Variants in RSRP1 observed in about 807,000 individuals in gnomAD.
RSRP1 encodes the protein arginine/serine-rich protein 1.
A neutral mutation model predicts 33.0 loss-of-function variants in RSRP1; 37 were observed. That is an observed-to-expected ratio of 1.12 (90% CI 0.86 to 1.48). RSRP1 has a LOEUF of 1.48. Among genes scored for constraint, RSRP1 ranks in the 40% most tolerant of loss-of-function variants. The probability of loss-of-function intolerance (pLI) is 0.00; values close to 1 mark genes in which losing one functional copy is unlikely to be tolerated. For missense variants in RSRP1, 402 were observed against 385.3 expected (o/e 1.04, Z -0.36); for synonymous variants, 167 against 158.7 (o/e 1.05, Z -0.40).
Position 25,288,116 on chromosome 1 carries a change from C to T in RSRP1, c.-66-41087G>A, listed in dbSNP as rs201945944. Among the ~76,000 whole-genome samples the T allele has an allele frequency of 3.0e-5, 4 of 132,730 alleles. No homozygotes were observed. The East Asian group carries it at 7.8e-4, about 26-fold the overall frequency. 87.1% of individuals were successfully genotyped at this position (132,730 alleles called of 152,430 possible). A position where few individuals can be genotyped will look rare whatever the true frequency, so the allele number is the denominator to read the frequency against. ...CACTCAGCCTCAACCTCACTGGGTTCAGGTGATCCTCCTGCCTCAGCCTCC... is the reference window on the plus strand; with the variant it reads ...CACTCAGCCTCAACCTCACTGGGTTTAGGTGATCCTCCTGCCTCAGCCTCC... On this transcript the variant is annotated intron_variant, in intron 1 of 1. Transcript: ENST00000561867.
Position 25,242,661 on chromosome 1 carries a change from T to G in RSRP1, c.801A>C (p.Thr267=), listed in dbSNP as rs1390224751. Residue 267 remains threonine (T), a synonymous_variant, in exon 5 of 5, where the codon ACA becomes ACC. Coordinates refer to ENST00000243189, the MANE Select transcript of RSRP1 (RefSeq NM_020317.5). The part of the protein sequence containing the change: ...KPIQKSAKAA[T]EEASSRSPKI... ...TTGGTGATCTTGAAGATGCCTCTTC[T>G]GTGGCAGCTTTAGCTGATTTTTGTA... The G allele has an allele frequency of 6.2e-7, 1 of 1,611,890 alleles. No homozygotes were observed. Among genetic ancestry groups the G allele is most frequent in the East Asian group, 2.2e-5 (1 of 44,878 alleles).
At chr1:25,261,839 G>A (rs1571543103) in intron 1 of RSRP1, among the ~76,000 whole-genome samples, 1 of 148,682 alleles carries the variant, frequency 6.7e-6, no homozygotes, top group East Asian at 2.0e-4. Context: ...TGCCTCCCGT[G>A]TAGCTGGGAT....
chr1:25,283,387 C>T lies in RSRP1; in HGVS notation c.-66-36358G>A, dbSNP rs1357861299. ...CTCTATTAAAAATACAAAAATTAGC[C>T]GGGCACGGTGGCAGGCACCTGTAAT... On this transcript the variant is annotated intron_variant, in intron 1 of 1. Transcript: ENST00000561867. 1.9e-4 allele frequency among the ~76,000 whole-genome samples: 25 copies of T among 130,874 alleles called. 6 individuals are homozygous for T. Among genetic ancestry groups the T allele is most frequent in the Non-Finnish European group, 3.8e-4 (21 of 55,410 alleles). The allele number at this position is 130,874 out of a possible 152,430, so 85.9% of individuals were successfully genotyped here.
chr1:25,311,822 C>A lies in RSRP1; in HGVS notation c.-67+26156G>T, dbSNP rs544702982. Among the ~76,000 whole-genome samples, 130 of 131,356 alleles carry A rather than the reference C, an allele frequency of 9.9e-4. 24 individuals are homozygous for A. The highest frequency in any genetic ancestry group is 3.5e-3 in the African/African-American group (130 of 37,658). 86.2% of individuals were successfully genotyped at this position (131,356 alleles called of 152,430 possible). The stretch of plus-strand genomic sequence containing the variant: ...AGGTAAAAGTCATAAACCTTGGCAG[C>A]ATACACATGGCACTAATTTTGCAGG... On this transcript the variant is annotated intron_variant, in intron 1 of 1. Coordinates refer to the RSRP1 transcript ENST00000561867.
At chr1:25,330,294 TA>T (rs1240404089) in intron 1 of RSRP1, 1 of 133,260 alleles carries the variant, frequency 7.5e-6, no homozygotes, top group African/African-American at 2.6e-5. Flanking sequence ...AAGAAACACA[TA>T]AACACCATTT....
rs192742588 is a variant in RSRP1, at chr1:25,277,054, G to A, written c.-66-30025C>T. ...TGCACTCCAGCCTGGGCAACAGAGCGAGACTCCGTCTAAAAAAAAATGAAA... is the reference window on the plus strand; with the variant it reads ...TGCACTCCAGCCTGGGCAACAGAGCAAGACTCCGTCTAAAAAAAAATGAAA... On this transcript the variant is annotated intron_variant, in intron 1 of 1. Coordinates refer to the RSRP1 transcript ENST00000561867. Among the ~76,000 whole-genome samples the A allele has an allele frequency of 4.5e-5, 6 of 132,010 alleles. 2 individuals are homozygous for A. The highest frequency in any genetic ancestry group is 4.6e-4 in the South Asian group (2 of 4,326). 86.6% of individuals were successfully genotyped at this position (132,010 alleles called of 152,430 possible). A position where few individuals can be genotyped will look rare whatever the true frequency, so the allele number is the denominator to read the frequency against.
At chr1:25,274,012 C>T (rs575818033) in intron 1 of RSRP1, among the ~76,000 whole-genome samples, 1 of 132,646 alleles carries the variant, frequency 7.5e-6, no homozygotes, top group African/African-American at 2.6e-5. Flanking sequence ...CTTCAATTTA[C>T]TCTAATTCAT....
In RSRP1 at chr1:25,303,458, C is replaced by T. The variant is rs200137267; in HGVS notation, c.-67+34520G>A. 1.2e-4 allele frequency: 165 copies of T among 1,378,716 alleles called. 45 individuals carry two copies. The highest frequency in any genetic ancestry group is 5.5e-4 in the Middle Eastern group (3 of 5,492). The allele number at this position is 1,378,716 out of a possible 1,614,324, so 85.4% of individuals were successfully genotyped here. ...TCCGTCGGGGGAGCCAAGTACCTGC[C>T]GGTAAGAAACTAGACAACTAACCTC... On this transcript the variant is annotated intron_variant, in intron 1 of 1. Coordinates refer to the RSRP1 transcript ENST00000561867.
At chr1:25,295,850 ATTTTT>A (rs61131306) in intron 1 of RSRP1, among the ~76,000 whole-genome samples, 1 of 81,320 alleles carries the variant, frequency 1.2e-5, no homozygotes, top group African/African-American at 4.3e-5. Flanking sequence ...AATATGGGAA[ATTTTT>A]TTTTTTTTTT....
rs1457845480 is a variant in RSRP1 at position 25,313,463 on chromosome 1, C to G, written c.-67+24515G>C. Reference sequence around the variant, plus strand: ...TACTCAACATTGTAGTTGTGAGATTCATCCAGGTTGTTAAGCATTGCTGTA... The same window carrying G: ...TACTCAACATTGTAGTTGTGAGATTGATCCAGGTTGTTAAGCATTGCTGTA... On this transcript the variant is annotated intron_variant, in intron 1 of 1. Coordinates refer to the RSRP1 transcript ENST00000561867. 4.5e-5 allele frequency among the ~76,000 whole-genome samples: 6 copies of G among 132,844 alleles called. 2 individuals carry two copies. The highest frequency in any genetic ancestry group is 1.1e-4 in the Non-Finnish European group (6 of 56,054). The allele number at this position is 132,844 out of a possible 152,430, so 87.2% of individuals were successfully genotyped here.
intron 1 of RSRP1, among the ~76,000 whole-genome samples, chr1:25,315,582 C>G (rs1644397167): frequency 8.0e-6 from 1 of 124,704 alleles, no homozygotes; most frequent in Non-Finnish European, 1.9e-5. Flanking sequence ...CTGCAAACTC[C>G]ACCTCCCAGG....
In RSRP1 at chr1:25,276,520, C is replaced by G. The variant is rs571151089; in HGVS notation, c.-66-29491G>C. 2.8e-3 allele frequency among the ~76,000 whole-genome samples: 174 copies of G among 63,266 alleles called. 8 individuals are homozygous for G. Among genetic ancestry groups the G allele is most frequent in the African/African-American group, 0.01 (158 of 15,114 alleles). The allele number at this position is 63,266 out of a possible 152,430, so 41.5% of individuals were successfully genotyped here. A position where few individuals can be genotyped will look rare whatever the true frequency, so the allele number is the denominator to read the frequency against. ...CGAGCCTAGGAAACATAGGGAGACC[C>G]CCCCCCATCTCTAAAAAAAAAAAAA... On this transcript the variant is annotated intron_variant, in intron 1 of 1. Transcript: ENST00000561867.
At position 25,272,850 on chromosome 1, in the gene RSRP1, C is replaced by T. The variant is rs138079744; in HGVS notation, c.-66-25821G>A. ...TTCCGTAGATTGCACCGAAATTCAGCCAACAATGTAAGCTTTCCTTTAGAA... is the reference window on the plus strand; with the variant it reads ...TTCCGTAGATTGCACCGAAATTCAGTCAACAATGTAAGCTTTCCTTTAGAA... On this transcript the variant is annotated intron_variant, in intron 1 of 1. Coordinates refer to the RSRP1 transcript ENST00000561867. Among the ~76,000 whole-genome samples, 95 of 131,276 alleles carry T rather than the reference C, an allele frequency of 7.2e-4. 17 individuals carry two copies. Among genetic ancestry groups the T allele is most frequent in the Admixed American group, 3.5e-3 (47 of 13,490 alleles). 86.1% of individuals were successfully genotyped at this position (131,276 alleles called of 152,430 possible).
intron 1 of RSRP1, chr1:25,306,580 T>A: frequency 7.3e-7 from 1 of 1,376,996 alleles, no homozygotes; most frequent in Non-Finnish European, 1.0e-6. Context: ...CTGCTTATAA[T>A]AACACTTGTC....
At position 25,281,848 on chromosome 1, in the gene RSRP1, G is replaced by T. The variant is rs1641512532; in HGVS notation, c.-66-34819C>A. Among the ~76,000 whole-genome samples the T allele has an allele frequency of 1.5e-5, 2 of 132,724 alleles. 1 individual carries two copies. The highest frequency in any genetic ancestry group is 1.5e-4 in the Admixed American group (2 of 13,622). The allele number at this position is 132,724 out of a possible 152,430, so 87.1% of individuals were successfully genotyped here. A position where few individuals can be genotyped will look rare whatever the true frequency, so the allele number is the denominator to read the frequency against. ...GTGTCAGGTTGATTTGGAAATGTCA[G>T]TGTCCTCCCTTGTCCTCTCTGGCAG... is the stretch of plus-strand genomic sequence containing the variant. On this transcript the variant is annotated intron_variant, in intron 1 of 1. Transcript: ENST00000561867.
At chr1:25,272,682 G>A (rs1380672970) in intron 1 of RSRP1, 7 of 1,548,182 alleles carry the variant, frequency 4.5e-6, no homozygotes, top group Non-Finnish European at 6.2e-6. Flanking sequence ...AGGGGCTCGT[G>A]GCATCCTATC....
rs1156853582 is a variant in RSRP1 at position 25,281,756 on chromosome 1, A to C, written c.-66-34727T>G. Among the ~76,000 whole-genome samples the C allele has an allele frequency of 3.1e-5, 4 of 130,986 alleles. 1 individual carries two copies. Among genetic ancestry groups the C allele is most frequent in the African/African-American group, 1.0e-4 (4 of 38,362 alleles). 85.9% of individuals were successfully genotyped at this position (130,986 alleles called of 152,430 possible). A position where few individuals can be genotyped will look rare whatever the true frequency, so the allele number is the denominator to read the frequency against. On this transcript the variant is annotated intron_variant, in intron 1 of 1. Coordinates refer to the RSRP1 transcript ENST00000561867. ...AAGAGTTGAATCCTTCCTAATGCCC[A>C]CTTCTCACCCACGCCCCAAATCCCC...
chr1:25,287,248 T>C (rs113615455), intron 1 of RSRP1, among the ~76,000 whole-genome samples: 2,788 of 135,454 alleles, frequency 0.021, 445 homozygotes, highest in African/African-American at 0.065. Flanking sequence ...GGTTTGGTGT[T>C]GCTGCCTTAG....
intron 1 of RSRP1, among the ~76,000 whole-genome samples, chr1:25,282,288 G>A (rs1344082310): frequency 7.6e-6 from 1 of 131,452 alleles, no homozygotes; most frequent in African/African-American, 2.6e-5. Flanking sequence ...AGGCTGGAGT[G>A]CAGTGGTGCG....
Sources: gnomAD v4.1 joint callset for allele counts (sites outside exome capture counted in the v4.1 genomes callset) on GRCh38, gnomAD v4.1.1 for gene constraint, MANE v1.5 for transcripts, NCBI Gene and HGNC (gene_info 2026-07-23, HGNC 2026-07-21) for gene names.